SANBR: variants seen among roughly 807,000 people sequenced by gnomAD.
SANBR encodes SANT and BTB domain regulator of class switch recombination.
In SANBR, 77 loss-of-function variants were observed where a neutral mutation model predicts 101.8. That is an observed-to-expected ratio of 0.76 (90% CI 0.63 to 0.91). The LOEUF (loss-of-function observed/expected upper bound fraction) is 0.91. Ranked by LOEUF, SANBR falls within the 40% of genes least tolerant of loss-of-function variation. The pLI is 0.00. For synonymous variants in SANBR, 279 were observed against 274.7 expected, an observed-to-expected ratio of 1.02 and a Z score of -0.15; for missense variants, 875 against 853.0, an observed-to-expected ratio of 1.03 and a Z score of -0.32.
chr2:61,116,524 A>G (rs1465417717), intron 17 of SANBR, among the ~76,000 whole-genome samples: 1 of 152,160 alleles, frequency 6.6e-6, no homozygotes, highest in Non-Finnish European at 1.5e-5. Flanking sequence ...ATCATATTTT[A>G]TGATATTTAA....
intron 5 of SANBR, among the ~76,000 whole-genome samples, chr2:61,075,901 T>G (rs1014529870): frequency 1.3e-5 from 2 of 152,094 alleles, no homozygotes; most frequent in African/African-American, 4.8e-5. Flanking sequence ...CATAACTGTG[T>G]AAAAGTGCTG....
At chr2:61,085,948 C>T (rs759431278) in intron 8 of SANBR, among the ~76,000 whole-genome samples, 1 of 152,150 alleles carries the variant, frequency 6.6e-6, no homozygotes, top group Non-Finnish European at 1.5e-5. Flanking sequence ...TGATAATCAG[C>T]TTACCCATTT....
chr2:61,089,027 T>A, intron 10 of SANBR: 3 of 950,288 alleles, frequency 3.2e-6, no homozygotes, highest in South Asian at 9.8e-5. Flanking sequence ...TATATTAATC[T>A]TGAAAGGTAT....
chr2:61,072,423 T>C (rs1428037794), intron 4 of SANBR, among the ~76,000 whole-genome samples: 1 of 151,814 alleles, frequency 6.6e-6, no homozygotes, highest in Admixed American at 6.6e-5. Context: ...AAATAAAAAA[T>C]AAAAATTAGC....
chr2:61,104,334 T>G (rs1683441124), intron 13 of SANBR, among the ~76,000 whole-genome samples: 1 of 151,832 alleles, frequency 6.6e-6, no homozygotes, highest in African/African-American at 2.4e-5. Flanking sequence ...TACAAAAAAT[T>G]AGCCGGGCGT....
intron 10 of SANBR, among the ~76,000 whole-genome samples, chr2:61,089,912 T>C (rs754307171): frequency 6.6e-6 from 1 of 151,960 alleles, no homozygotes; most frequent in Non-Finnish European, 1.5e-5. Context: ...CTTGCCTGTA[T>C]TCTCAGCATT....
rs1684860075 is a variant in SANBR, at chr2:61,136,689, A to G, written c.*45-775A>G. Among the ~76,000 whole-genome samples, 3 of 147,698 alleles carry G rather than the reference A, an allele frequency of 2.0e-5. No individual in the cohort carries two copies. The South Asian group carries it at 6.5e-4, about 32-fold the overall frequency. The stretch of plus-strand genomic sequence containing the variant: ...CAAACTCTTAAAGAATACTGAGGCT[A>G]GGCTGGGCGTGGGGGCTCATGCCTG... On this transcript the variant is annotated intron_variant, in intron 21 of 21. Coordinates refer to the SANBR transcript ENST00000295031.
chr2:61,120,045 G>T (rs1173673089), intron 20 of SANBR, among the ~76,000 whole-genome samples: 1 of 152,170 alleles, frequency 6.6e-6, no homozygotes, highest in Non-Finnish European at 1.5e-5. Context: ...ATGCAAAAAG[G>T]AATGGTCACT....
intron 5 of SANBR, among the ~76,000 whole-genome samples, 158 bp from the exon 6 acceptor site, chr2:61,076,762 C>G (rs1439308318): frequency 1.3e-5 from 2 of 152,082 alleles, no homozygotes; most frequent in Non-Finnish European, 2.9e-5. Context: ...TATGATCAGG[C>G]TAGCAAGACA....
intron 14 of SANBR, 77 bp downstream of exon 14, chr2:61,106,739 A>C (rs1683592113): frequency 1.1e-6 from 1 of 903,046 alleles, no homozygotes; most frequent in East Asian, 2.7e-5. Flanking sequence ...GAACCTGATC[A>C]GTTTAAGTTG....
At chr2:61,137,102 T>C (rs1362782148) in intron 21 of SANBR, among the ~76,000 whole-genome samples, 2 of 151,502 alleles carry the variant, frequency 1.3e-5, no homozygotes, top group African/African-American at 4.9e-5. Context: ...GAAAACATAG[T>C]GAGACTCCAT....
At chr2:61,077,902 A>G (rs1313744351) in intron 6 of SANBR, among the ~76,000 whole-genome samples, 2 of 152,224 alleles carry the variant, frequency 1.3e-5, no homozygotes, top group Non-Finnish European at 2.9e-5. Context: ...CTTGAAAATG[A>G]GCTGCTCAGT....
chr2:61,130,218 C>G (rs1037863824), intron 20 of SANBR, among the ~76,000 whole-genome samples: 1 of 151,872 alleles, frequency 6.6e-6, no homozygotes, highest in Admixed American at 6.6e-5. Flanking sequence ...TAAATTATTT[C>G]CTCAGTTGTT....
intron 16 of SANBR, among the ~76,000 whole-genome samples, chr2:61,111,265 C>T (rs1252684133): frequency 6.6e-6 from 1 of 152,022 alleles, no homozygotes; most frequent in Admixed American, 6.6e-5. Context: ...TGGTGGCGGG[C>T]ACCTGTAGTC....
chr2:61,105,397 G>A (rs1198814475), intron 13 of SANBR, among the ~76,000 whole-genome samples: 6 of 151,334 alleles, frequency 4.0e-5, no homozygotes, highest in South Asian at 2.1e-4. Context: ...TTGGAGTTTC[G>A]CTCTTGTTGC....
chr2:61,131,074 T>C (rs1230336396), intron 20 of SANBR, among the ~76,000 whole-genome samples: 1 of 150,474 alleles, frequency 6.6e-6, no homozygotes, highest in Non-Finnish European at 1.5e-5. Context: ...AAAGGACATC[T>C]ACAAAAACCC....
At chr2:61,129,011 A>G (rs1280361467), downstream of SANBR, among the ~76,000 whole-genome samples, 1 of 152,206 alleles carries the variant, frequency 6.6e-6, no homozygotes, top group Non-Finnish European at 1.5e-5. Context: ...TGCTCAAAGA[A>G]AAATCTGTCA....
intron 13 of SANBR, among the ~76,000 whole-genome samples, chr2:61,105,029 T>G (rs906065356): frequency 6.6e-6 from 1 of 151,088 alleles, no homozygotes; most frequent in Non-Finnish European, 1.5e-5. Flanking sequence ...TGAAGTCACT[T>G]TCATCATTTT....
In SANBR at chr2:61,122,864, G is replaced by C. The variant is rs1347298639; in HGVS notation, c.*702G>C. On this transcript the variant is annotated 3_prime_UTR_variant, in exon 22 of 22. Transcript: ENST00000402291. The stretch of plus-strand genomic sequence containing the variant: ...TATTACTCTGTCCTCTGTGAAACTA[G>C]TGGCATTCTGAATTTGGTAAAATAA... The C allele has an allele frequency of 1.0e-6, 1 of 984,858 alleles. No individual in the cohort carries two copies. Among genetic ancestry groups the C allele is most frequent in the African/African-American group, 1.7e-5 (1 of 57,176 alleles). 61.0% of individuals were successfully genotyped at this position (984,858 alleles called of 1,614,324 possible).
Sources: allele counts gnomAD v4.1 joint callset (sites outside exome capture counted in the v4.1 genomes callset), GRCh38; gene constraint gnomAD v4.1.1; transcripts MANE v1.5; gene names NCBI Gene and HGNC (gene_info 2026-07-23, HGNC 2026-07-21).